The following ADCK2 variants were observed in gnomAD, a reference collection of about 807,000 sequenced individuals.
ADCK2 encodes uncharacterized aarF domain-containing protein kinase 2.
Under a neutral mutation model 52.3 loss-of-function variants are expected in ADCK2, and 37 were observed. The observed-to-expected ratio is 0.71, with a 90% CI of 0.54 to 0.93. The LOEUF (loss-of-function observed/expected upper bound fraction) is 0.93, where lower values mean the gene tolerates loss of function less well. ADCK2 is among the 40% of genes least tolerant of loss of function. ADCK2 has a pLI of 0.00. For synonymous variants in ADCK2, 321 were observed against 349.2 expected, an observed-to-expected ratio of 0.92 and a Z score of 0.90; for missense variants, 695 against 798.7, an observed-to-expected ratio of 0.87 and a Z score of 1.56.
chr7:140,681,234 C>T (rs556079883), intron 4 of ADCK2, 97 bp downstream of exon 4: 104 of 1,171,954 alleles, frequency 8.9e-5, no homozygotes, highest in Middle Eastern at 4.7e-4. Flanking sequence ...GGAAGGAGAG[C>T]GAAGCAGCAA....
chr7:140,683,485 C>T (rs1794552645), intron 4 of ADCK2, among the ~76,000 whole-genome samples: 1 of 152,138 alleles, frequency 6.6e-6, no homozygotes, highest in South Asian at 2.1e-4. Flanking sequence ...TGCCTGGGTC[C>T]TCCCTACCAT....
chr7:140,693,605 C>T lies in ADCK2; in HGVS notation c.1741-1058C>T, dbSNP rs1386292160. Reference sequence around the variant, plus strand: ...CTATAGAATGGGGATAACGATGATACTTTTGAAGAATAGTTGAAGAATCCA... The same window carrying T: ...CTATAGAATGGGGATAACGATGATATTTTTGAAGAATAGTTGAAGAATCCA... On this transcript the variant is annotated intron_variant, in intron 7 of 7. Coordinates refer to ENST00000072869, the MANE Select transcript of ADCK2 (RefSeq NM_052853.4). This position sits in a 1 kb window ranked among gnomAD's most constrained non-coding sequence, Gnocchi z 4.0. 6.6e-6 allele frequency among the ~76,000 whole-genome samples: 1 copy of T among 152,152 alleles called. No individual in the cohort carries two copies. Among genetic ancestry groups the T allele is most frequent in the Non-Finnish European group, 1.5e-5 (1 of 68,034 alleles).
rs1326873335 is a variant in ADCK2, at chr7:140,693,597, C to T, written c.1741-1066C>T. Among the ~76,000 whole-genome samples, 1 of 152,160 alleles carries T rather than the reference C, an allele frequency of 6.6e-6. No individual in the cohort carries two copies. The highest frequency in any genetic ancestry group is 1.5e-5 in the Non-Finnish European group (1 of 68,030). The stretch of plus-strand genomic sequence containing the variant: ...TTCTTTCTCTATAGAATGGGGATAA[C>T]GATGATACTTTTGAAGAATAGTTGA... On this transcript the variant is annotated intron_variant, in intron 7 of 7. Coordinates refer to ENST00000072869, the MANE Select transcript of ADCK2 (RefSeq NM_052853.4). This position sits in a 1 kb window ranked among gnomAD's most constrained non-coding sequence, Gnocchi z 4.0.
At chr7:140,679,401 GT>G in intron 3 of ADCK2, 118 bp downstream of exon 3, 1 of 1,448,864 alleles carries the variant, frequency 6.9e-7, no homozygotes, top group South Asian at 1.3e-5. Flanking sequence ...CTGTAAAACT[GT>G]GAGGAGCTGG....
Position 140,678,930 on chromosome 7 carries a change from GGCAC to G in ADCK2, c.1081-224_1081-221del, listed in dbSNP as rs1794468991. ...AGCAGTGCAGCCCAAAGCCCACCAGGGCACCTGCCGTCTGCAGCCTCCAGGAGTT... is the reference window on the plus strand; with the variant it reads ...AGCAGTGCAGCCCAAAGCCCACCAGGCTGCCGTCTGCAGCCTCCAGGAGTT... On this transcript the variant is annotated intron_variant, in intron 2 of 7. Transcript: ENST00000072869. The surrounding 1 kb of genome is among the most constrained non-coding windows in gnomAD (Gnocchi z 4.9). Among the ~76,000 whole-genome samples the G allele has an allele frequency of 6.6e-6, 1 of 152,182 alleles. No individual in the cohort carries two copies. The highest frequency in any genetic ancestry group is 2.4e-5 in the African/African-American group (1 of 41,428).
rs1444744920 is a variant in ADCK2, at chr7:140,673,886, CTTCGGCAGGCTT to C, written c.559_570del (p.Arg187_Phe190del). The C allele has an allele frequency of 6.2e-7, 1 of 1,613,930 alleles. No homozygotes were observed. Among genetic ancestry groups the C allele is most frequent in the Non-Finnish European group, 8.5e-7 (1 of 1,180,064 alleles). On this transcript the variant is annotated inframe_deletion, in exon 1 of 8. Transcript: ENST00000072869. This position sits in a 1 kb window ranked among gnomAD's most constrained non-coding sequence, Gnocchi z 6.4. ...CCCGTGGACTCACACTGAGCGCTTC[CTTCGGCAGGCTT>C]TTGGGGATGACTGGGGGAGCATCCT...
chr7:140,683,625 A>T (rs555027838), intron 4 of ADCK2, among the ~76,000 whole-genome samples: 1 of 152,314 alleles, frequency 6.6e-6, no homozygotes, highest in East Asian at 1.9e-4. Flanking sequence ...CCAGCTGAAG[A>T]GGGGCCTGGC....
At chr7:140,686,591 T>C (rs1490532425) in intron 4 of ADCK2, among the ~76,000 whole-genome samples, 1 of 152,160 alleles carries the variant, frequency 6.6e-6, no homozygotes, top group Non-Finnish European at 1.5e-5. Context: ...TATTTATTTA[T>C]TTTTACAAGA....
intron 5 of ADCK2, among the ~76,000 whole-genome samples, chr7:140,688,832 G>A (rs1426923211): frequency 2.6e-5 from 4 of 152,188 alleles, no homozygotes; most frequent in East Asian, 1.9e-4. Context: ...AAAGGCATTC[G>A]GCAAGGCCTC....
rs756589943 is a variant in ADCK2 at position 140,687,148 on chromosome 7, A to G, written c.1464A>G (p.Arg488=). ...TGCCATCTTCCCTCTGCCCGCTGCG[A>G]CTGGTGCTGCTGGATGCTGGCATTG... ...VAVPSSLCPL[R]LVLLDAGIVA... The change falls in exon 5 of 8, where the codon CGA becomes CGG. Residue 488 remains arginine, a synonymous_variant. Coordinates refer to ENST00000072869, the MANE Select transcript of ADCK2 (RefSeq NM_052853.4). The G allele has an allele frequency of 2.9e-5, 46 of 1,612,470 alleles. No individual in the cohort carries two copies. Among genetic ancestry groups the G allele is most frequent in the Non-Finnish European group, 3.9e-5 (46 of 1,179,336 alleles).
Position 140,678,939 on chromosome 7 carries a change from C to T in ADCK2, c.1081-216C>T, listed in dbSNP as rs1266306687. Among the ~76,000 whole-genome samples the T allele has an allele frequency of 6.6e-6, 1 of 152,142 alleles. No individual in the cohort carries two copies. The highest frequency in any genetic ancestry group is 1.5e-5 in the Non-Finnish European group (1 of 68,030). ...GCCCAAAGCCCACCAGGGCACCTGC[C>T]GTCTGCAGCCTCCAGGAGTTCACAC... On this transcript the variant is annotated intron_variant, in intron 2 of 7. Coordinates refer to ENST00000072869, the MANE Select transcript of ADCK2 (RefSeq NM_052853.4). The surrounding 1 kb of genome is among the most constrained non-coding windows in gnomAD (Gnocchi z 4.9).
chr7:140,684,378 G>A (rs1049971524), intron 4 of ADCK2, among the ~76,000 whole-genome samples: 2 of 152,150 alleles, frequency 1.3e-5, no homozygotes, highest in Non-Finnish European at 2.9e-5. Context: ...GGCTGCCTTC[G>A]TTGGCAGTAA....
rs149634554 is a variant in ADCK2, at chr7:140,673,700, C to T, written c.370C>T (p.Pro124Ser). 1,126 of 1,612,178 alleles carry T rather than the reference C, an allele frequency of 7.0e-4. No homozygotes were observed. Among genetic ancestry groups the T allele is most frequent in the Non-Finnish European group, 9.1e-4 (1,077 of 1,179,854 alleles). Reference protein sequence around the residue: ...LLLYPLTYLAPSVSTLWLHLL... With the variant: ...LLLYPLTYLASSVSTLWLHLL... ...CCTCTACCCCCTCACCTACCTGGCT[C>T]CCAGCGTCTCCACCCTCTGGCTCCA... Residue 124 changes from proline (P) to serine (S), a missense_variant, in exon 1 of 8, where the codon CCC becomes TCC. Coordinates refer to ENST00000072869, the MANE Select transcript of ADCK2 (RefSeq NM_052853.4). The surrounding 1 kb of genome is among the most constrained non-coding windows in gnomAD (Gnocchi z 6.4).
intron 6 of ADCK2, 141 bp downstream of exon 6, chr7:140,689,866 A>G (rs577744800): frequency 2.6e-6 from 3 of 1,147,632 alleles, no homozygotes; most frequent in Admixed American, 3.7e-5. Context: ...TCTTCCAGGC[A>G]TGAGGAGCCC....
At position 140,694,991 on chromosome 7, in the gene ADCK2, G is replaced by C. The variant is rs1794775620; in HGVS notation, c.*188G>C. The C allele has an allele frequency of 7.5e-7, 1 of 1,337,310 alleles. No individual in the cohort carries two copies. Among genetic ancestry groups the C allele is most frequent in the African/African-American group, 1.5e-5 (1 of 67,364 alleles). 82.8% of individuals were successfully genotyped at this position (1,337,310 alleles called of 1,614,324 possible). The stretch of plus-strand genomic sequence containing the variant: ...GTTCAAAAGCTTTGGGCCAATTAGG[G>C]AGTAAAAGGAGGGAAGGGGCCTATC... On this transcript the variant is annotated 3_prime_UTR_variant, in exon 8 of 8. Transcript: ENST00000072869.
intron 6 of ADCK2, among the ~76,000 whole-genome samples, chr7:140,690,554 G>C (rs552980461): frequency 1.8e-4 from 28 of 152,182 alleles, no homozygotes; most frequent in African/African-American, 6.0e-4. Flanking sequence ...AAAGGCCTCT[G>C]TGACCGAGTC....
intron 4 of ADCK2, among the ~76,000 whole-genome samples, chr7:140,681,407 TC>T (rs1329891986): frequency 6.6e-6 from 1 of 151,786 alleles, no homozygotes; most frequent in Non-Finnish European, 1.5e-5. Context: ...AAGCTCTGCC[TC>T]CTGGGTTCAC....
chr7:140,681,106 C>A lies in ADCK2; in HGVS notation c.1274C>A (p.Ala425Glu). Residue 425 changes from alanine (A) to glutamate (E), a missense_variant, in exon 4 of 8, where the codon GCA (alanine) becomes GAA (glutamate). Transcript: ENST00000072869. The part of the protein sequence containing the change: ...GIPVDLKRKI[A>E]RLGINMLLKM... ...CCCGTGGACTTGAAAAGGAAGATTG[C>A]ACGGCTGGGGATCAACATGCTCCTG... The A allele has an allele frequency of 6.2e-7, 1 of 1,614,104 alleles. No homozygotes were observed. The highest frequency in any genetic ancestry group is 1.1e-5 in the South Asian group (1 of 91,076).
chr7:140,674,422 G>A lies in ADCK2; in HGVS notation c.933+159G>A. 1.1e-5 allele frequency: 12 copies of A among 1,093,110 alleles called. No individual in the cohort carries two copies. Among genetic ancestry groups the A allele is most frequent in the South Asian group, 3.3e-5 (2 of 59,946 alleles). 67.7% of individuals were successfully genotyped at this position (1,093,110 alleles called of 1,614,324 possible). A position where few individuals can be genotyped will look rare whatever the true frequency, so the allele number is the denominator to read the frequency against. On this transcript the variant is annotated intron_variant, in intron 1 of 7. Coordinates refer to ENST00000072869, the MANE Select transcript of ADCK2 (RefSeq NM_052853.4). The surrounding 1 kb of genome is among the most constrained non-coding windows in gnomAD (Gnocchi z 4.6). ...GTTTCATTTATTGGCTTGAAGTGGCGGTGTGAATAGTCTGATAGAGGAAAA... is the reference window on the plus strand; with the variant it reads ...GTTTCATTTATTGGCTTGAAGTGGCAGTGTGAATAGTCTGATAGAGGAAAA...
Sources: gnomAD v4.1 joint callset for allele counts (sites outside exome capture counted in the v4.1 genomes callset) on GRCh38, gnomAD v4.1.1 for gene constraint, Gnocchi (gnomAD v3.1) non-coding constraint, MANE v1.5 for transcripts, NCBI Gene and HGNC (gene_info 2026-07-23, HGNC 2026-07-21) for gene names.